Variants in SMC1B observed in about 807,000 individuals in gnomAD.
SMC1B encodes structural maintenance of chromosomes 1B, also known as structural maintenance of chromosomes protein 1B.
In SMC1B, 60 loss-of-function variants were observed where a neutral mutation model predicts 157.9. The ratio of observed to expected loss-of-function variants is 0.38; its 90% confidence interval spans 0.31 to 0.47. The LOEUF (loss-of-function observed/expected upper bound fraction) is 0.47, where lower values mean the gene tolerates loss of function less well. Among genes scored for constraint, SMC1B ranks in the 20% least tolerant of loss-of-function variants. The pLI, the probability that SMC1B is intolerant of heterozygous loss-of-function variation, is 0.99. For missense variants in SMC1B, 1,165 were observed against 1,426.2 expected, an observed-to-expected ratio of 0.82 and a Z score of 2.95; for synonymous variants, 445 against 483.0, an observed-to-expected ratio of 0.92 and a Z score of 1.03.
At chr22:45,352,030 A>ATTT (rs749523141) in intron 22 of SMC1B, among the ~76,000 whole-genome samples, 124 of 152,144 alleles carry the variant, frequency 8.2e-4, no homozygotes, top group Non-Finnish European at 1.3e-3. Flanking sequence ...TATTCCAAGT[A>ATTT]TTTTTTCTTT....
Position 45,383,705 on chromosome 22 carries a change from C to T in SMC1B, c.1912-92G>A, listed in dbSNP as rs925206236. The T allele has an allele frequency of 4.6e-5, 53 of 1,145,296 alleles. 1 individual carries two copies. The highest frequency in any genetic ancestry group is 6.1e-5 in the Non-Finnish European group (51 of 831,386). The allele number at this position is 1,145,296 out of a possible 1,614,324, so 70.9% of individuals were successfully genotyped here. A position where few individuals can be genotyped will look rare whatever the true frequency, so the allele number is the denominator to read the frequency against. ...TCAATTTTTAAAGCTAAGAATAAAA[C>T]ATATGAGAAAAGCCACTTACTGAAC... On this transcript the variant is annotated intron_variant, in intron 11 of 24. Coordinates refer to ENST00000357450, the MANE Select transcript of SMC1B (RefSeq NM_148674.5).
chr22:45,392,890 A>G (rs1380056079), intron 9 of SMC1B, among the ~76,000 whole-genome samples: 1 of 152,106 alleles, frequency 6.6e-6, no homozygotes, highest in Non-Finnish European at 1.5e-5. Flanking sequence ...TAGTAGAGAC[A>G]GGGTTTCACC....
At chr22:45,411,367 T>C (rs889148226) in intron 1 of SMC1B, among the ~76,000 whole-genome samples, 3 of 152,204 alleles carry the variant, frequency 2.0e-5, no homozygotes, top group Non-Finnish European at 4.4e-5. Flanking sequence ...ATTCTATTTA[T>C]ACGAAATGTC....
intron 22 of SMC1B, among the ~76,000 whole-genome samples, chr22:45,351,573 G>A (rs2086615472): frequency 6.6e-6 from 1 of 152,162 alleles, no homozygotes; most frequent in Admixed American, 6.5e-5. Flanking sequence ...TTTTGAGACA[G>A]AGTTTTGTTC....
At chr22:45,392,189 T>C (rs771131097) in intron 9 of SMC1B, among the ~76,000 whole-genome samples, 16 of 152,118 alleles carry the variant, frequency 1.1e-4, no homozygotes, top group Non-Finnish European at 1.9e-4. Context: ...CCTCAAGTGA[T>C]CCATCCACTT....
intron 12 of SMC1B, among the ~76,000 whole-genome samples, chr22:45,372,828 T>A (rs2086847986): frequency 6.7e-6 from 1 of 149,926 alleles, no homozygotes; most frequent in Non-Finnish European, 1.5e-5. Context: ...TTCTCCTGCC[T>A]CAGCCTCCTG....
intron 9 of SMC1B, 122 bp from the exon 10 acceptor site, chr22:45,390,019 ATAAT>A (rs894844539): frequency 1.3e-5 from 10 of 753,746 alleles, no homozygotes; most frequent in African/African-American, 1.2e-4. Context: ...TACATACATC[ATAAT>A]TAATAGAGTT....
chr22:45,396,518 C>G, intron 6 of SMC1B, 32 bp from the exon 7 acceptor site: 1 of 1,584,426 alleles, frequency 6.3e-7, no homozygotes, highest in Non-Finnish European at 8.6e-7. Context: ...ATTGCTAATT[C>G]ACCTTAAGAA....
intron 2 of SMC1B, among the ~76,000 whole-genome samples, chr22:45,407,976 C>T (rs544726877): frequency 6.6e-6 from 1 of 152,254 alleles, no homozygotes; most frequent in South Asian, 2.1e-4. Flanking sequence ...ACATTTCACT[C>T]AAGTTGCTTT....
Position 45,355,078 on chromosome 22 carries a change from C to A in SMC1B, c.2999G>T (p.Arg1000Met), listed in dbSNP as rs1449404801. 5.0e-6 allele frequency: 8 copies of A among 1,614,122 alleles called. No homozygotes were observed. The highest frequency in any genetic ancestry group is 6.8e-6 in the Non-Finnish European group (8 of 1,180,022). ...GGATGCTACTTGCTGCAATAAGAGC[C>A]TAAGGTGGGCCTCGATTTCTTGATC... ...QSDQEIEAHLRLLLQQVASQE... is the reference protein window; with the variant it reads ...QSDQEIEAHLMLLLQQVASQE... Residue 1000 changes from arginine to methionine, a missense_variant, in exon 20 of 25, where the codon AGG becomes ATG. Physicochemically the swap from Arg to Met is moderately conservative, Grantham distance 91. Transcript: ENST00000357450.
chr22:45,404,459 AC>A (rs1227818912), intron 4 of SMC1B, among the ~76,000 whole-genome samples: 1 of 152,178 alleles, frequency 6.6e-6, no homozygotes, highest in Non-Finnish European at 1.5e-5. Flanking sequence ...TTTTTCCTGA[AC>A]CAGGAGACAA....
chr22:45,407,700 T>C (rs1414731240), intron 2 of SMC1B, among the ~76,000 whole-genome samples: 1 of 152,138 alleles, frequency 6.6e-6, no homozygotes, highest in Non-Finnish European at 1.5e-5. Context: ...CGTCCTGCTG[T>C]GGCCTCCCAA....
chr22:45,380,539 T>C (rs1156335290), intron 12 of SMC1B, among the ~76,000 whole-genome samples: 1 of 152,188 alleles, frequency 6.6e-6, no homozygotes, highest in Non-Finnish European at 1.5e-5. Flanking sequence ...GAGAAGCTTC[T>C]TCCACTTAGT....
intron 18 of SMC1B, 31 bp from the exon 19 acceptor site, chr22:45,358,826 G>T (rs747956330): frequency 2.6e-6 from 4 of 1,526,816 alleles, no homozygotes; most frequent in East Asian, 4.5e-5. Flanking sequence ...TACATTTGTT[G>T]ATTAAGTTTG....
In SMC1B at chr22:45,385,131, T is replaced by C. The variant is rs529144130; in HGVS notation, c.1912-1518A>G. On this transcript the variant is annotated intron_variant, in intron 11 of 24. Transcript: ENST00000357450. ...GGAACAGATAGAATAATTACATGTA[T>C]GTAAAGAGATTCAGGATTTTTAAAT... 9.9e-5 allele frequency among the ~76,000 whole-genome samples: 15 copies of C among 152,284 alleles called. No individual in the cohort carries two copies. In the South Asian group the frequency reaches 1.2e-3, roughly 13 times the overall value.
chr22:45,375,126 C>G (rs572215001), intron 12 of SMC1B, among the ~76,000 whole-genome samples: 9 of 152,358 alleles, frequency 5.9e-5, no homozygotes, highest in African/African-American at 2.2e-4. Context: ...AGAGTCCCCA[C>G]TCTGTTCACC....
chr22:45,345,392 G>A, intron 24 of SMC1B, 67 bp downstream of exon 24: 4 of 889,846 alleles, frequency 4.5e-6, no homozygotes, highest in Non-Finnish European at 7.2e-6. Context: ...GGAAAGCCCA[G>A]TGGCTGTCAG....
chr22:45,351,766 G>A (rs1247956227), intron 22 of SMC1B, among the ~76,000 whole-genome samples: 2 of 152,258 alleles, frequency 1.3e-5, no homozygotes, highest in East Asian at 3.9e-4. Flanking sequence ...CCCAGGTTCA[G>A]CATCTGTACT....
rs536482207 is a variant in SMC1B at position 45,398,617 on chromosome 22, G to A, written c.1113+478C>T. ...GGCCAAGGCAGGTGGATCACCAGAG[G>A]TCGGGAGTTTGAGACCAGCCTGACC... is the stretch of plus-strand genomic sequence containing the variant. On this transcript the variant is annotated intron_variant, in intron 6 of 24. Transcript: ENST00000357450. Among the ~76,000 whole-genome samples the A allele has an allele frequency of 3.3e-5, 5 of 152,304 alleles. No individual in the cohort carries two copies. The East Asian group carries it at 9.7e-4, about 29-fold the overall frequency.
Sources: allele counts gnomAD v4.1 joint callset (sites outside exome capture counted in the v4.1 genomes callset), GRCh38; gene constraint gnomAD v4.1.1; transcripts MANE v1.5; gene names NCBI Gene and HGNC (gene_info 2026-07-23, HGNC 2026-07-21).